Variants in INTS6L observed in about 807,000 individuals in gnomAD.
The protein encoded by INTS6L is integrator complex subunit 6 like, also known as integrator complex subunit 6-like.
A neutral mutation model predicts 64.7 loss-of-function variants in INTS6L; 18 were observed. That is an observed-to-expected ratio of 0.28 (90% CI 0.19 to 0.41). The LOEUF is 0.41. INTS6L is among the 10% of genes least tolerant of loss of function. INTS6L has a pLI of 1.00. For missense variants in INTS6L, 533 were observed against 661.0 expected (o/e 0.81, Z 2.12); for synonymous variants, 227 against 235.9 (o/e 0.96, Z 0.34).
intron 2 of INTS6L, among the ~76,000 whole-genome samples, chrX:135,525,025 G>GT (rs1556500430): frequency 8.9e-6 from 1 of 112,427 alleles, no homozygotes; most frequent in Non-Finnish European, 1.9e-5. Context: ...TACACAGCTA[G>GT]TATGAAACCC....
In INTS6L at chrX:135,572,943, A is replaced by G; in HGVS notation, c.1527A>G (p.Leu509=). The G allele has an allele frequency of 8.3e-7, 1 of 1,211,373 alleles. No individual in the cohort carries two copies. The highest frequency in any genetic ancestry group is 1.1e-6 in the Non-Finnish European group (1 of 895,187). Residue 509 remains leucine, a synonymous_variant, in exon 12 of 18, where the codon CTA becomes CTG. Transcript: ENST00000639893. ...CTCACAATAAAAATTTTAGAAAACT[A>G]TTGAAAGAAATCACAGGGGAAACTG... ...SLTHNKNFRK[L]LKEITGETAL...
intron 2 of INTS6L, among the ~76,000 whole-genome samples, chrX:135,522,703 A>C (rs2085618308): frequency 8.9e-6 from 1 of 112,020 alleles, no homozygotes; most frequent in Non-Finnish European, 1.9e-5. Flanking sequence ...GTGTTCCTTC[A>C]AGCATAAGGA....
intron 2 of INTS6L, among the ~76,000 whole-genome samples, chrX:135,535,407 G>T (rs781826295): frequency 3.6e-5 from 4 of 112,231 alleles, no homozygotes; most frequent in Non-Finnish European, 7.5e-5. Flanking sequence ...ATTGTGAGAA[G>T]AAAATTCCTG....
chrX:135,539,520 T>C (rs1438783046), intron 2 of INTS6L, among the ~76,000 whole-genome samples: 1 of 111,867 alleles, frequency 8.9e-6, no homozygotes, highest in Admixed American at 9.5e-5. Context: ...CTCGGCAATG[T>C]GGCTGTTTTT....
rs782522151 is a variant in INTS6L, at chrX:135,577,069, GA to G, written c.1885-117del. The G allele has an allele frequency of 3.9e-5, 26 of 672,097 alleles. No individual in the cohort carries two copies. The East Asian group carries it at 6.8e-4, about 18-fold the overall frequency. The allele number at this position is 672,097 out of a possible 1,213,427, so 55.4% of individuals were successfully genotyped here. A position where few individuals can be genotyped will look rare whatever the true frequency, so the allele number is the denominator to read the frequency against. Reference sequence around the variant, plus strand: ...TGGCATGGGATTTAAAAAAATGAAAGAAAAAAAGACATATTCGTGATATAAT... The same window carrying G: ...TGGCATGGGATTTAAAAAAATGAAAGAAAAAAGACATATTCGTGATATAAT... On this transcript the variant is annotated intron_variant, in intron 14 of 17. Coordinates refer to ENST00000639893, the MANE Select transcript of INTS6L (RefSeq NM_001351601.3).
intron 2 of INTS6L, among the ~76,000 whole-genome samples, chrX:135,536,698 G>A (rs1040073023): frequency 1.8e-5 from 2 of 111,318 alleles, no homozygotes; most frequent in African/African-American, 6.5e-5. Context: ...TTAATGAATC[G>A]GAGAAATGGC....
In INTS6L at chrX:135,520,720, G is replaced by A; in HGVS notation, c.-273G>A. Reference sequence around the variant, plus strand: ...TGCTTAGGCAGTAGTCCTGGCAGCGGCAGTAGTGGTGGCAGCAGAAGAGAG... The same window carrying A: ...TGCTTAGGCAGTAGTCCTGGCAGCGACAGTAGTGGTGGCAGCAGAAGAGAG... On this transcript the variant is annotated 5_prime_UTR_variant, in exon 1 of 18. Coordinates refer to ENST00000639893, the MANE Select transcript of INTS6L (RefSeq NM_001351601.3). 2.9e-6 allele frequency: 1 copy of A among 349,056 alleles called. No individual in the cohort carries two copies. Among genetic ancestry groups the A allele is most frequent in the East Asian group, 4.6e-5 (1 of 21,564 alleles). 28.8% of individuals were successfully genotyped at this position (349,056 alleles called of 1,213,427 possible). A position where few individuals can be genotyped will look rare whatever the true frequency, so the allele number is the denominator to read the frequency against.
In INTS6L at chrX:135,540,615, A is replaced by G. The variant is rs192730442; in HGVS notation, c.190-4808A>G. Among the ~76,000 whole-genome samples the G allele has an allele frequency of 4.3e-4, 47 of 110,458 alleles. No homozygotes were observed. The East Asian group carries it at 0.012, about 28-fold the overall frequency. On this transcript the variant is annotated intron_variant, in intron 2 of 17. Transcript: ENST00000639893. Reference sequence around the variant, plus strand: ...CATGCTCTATCACCAAGTCTGTCCTATTTGTTTCACATGTTTCTCATTTAA... The same window carrying G: ...CATGCTCTATCACCAAGTCTGTCCTGTTTGTTTCACATGTTTCTCATTTAA...
At position 135,581,905 on chromosome X, in the gene INTS6L, A is replaced by T. The variant is rs189184499; in HGVS notation, c.*269A>T. On this transcript the variant is annotated 3_prime_UTR_variant, in exon 18 of 18. Transcript: ENST00000639893. ...TCACAGGCTAAATTCGGTAAACACCACTGCCCCTACCACGGGTAATGAGAG... is the reference window on the plus strand; with the variant it reads ...TCACAGGCTAAATTCGGTAAACACCTCTGCCCCTACCACGGGTAATGAGAG... 0.028 allele frequency: 7,088 copies of T among 255,037 alleles called. 112 individuals are homozygous for T. Among genetic ancestry groups the T allele is most frequent in the Non-Finnish European group, 0.038 (5,512 of 146,396 alleles). 21.0% of individuals were successfully genotyped at this position (255,037 alleles called of 1,213,427 possible).
intron 8 of INTS6L, 98 bp downstream of exon 8, chrX:135,552,244 T>G: frequency 5.3e-6 from 5 of 938,126 alleles, no homozygotes; most frequent in Non-Finnish European, 7.0e-6. Flanking sequence ...ATAATTGGAC[T>G]GACTGTGCTA....
At chrX:135,554,602 A>C (rs1333672792) in intron 8 of INTS6L, among the ~76,000 whole-genome samples, 1 of 111,604 alleles carries the variant, frequency 9.0e-6, no homozygotes, top group Non-Finnish European at 1.9e-5. Flanking sequence ...GGATTCTGTT[A>C]AATGTCAAGG....
Position 135,520,751 on chromosome X carries a change from G to C in INTS6L, c.-242G>C, listed in dbSNP as rs914431534. 5.8e-5 allele frequency: 22 copies of C among 377,647 alleles called. No homozygotes were observed. The highest frequency in any genetic ancestry group is 9.2e-5 in the Non-Finnish European group (20 of 216,991). 31.1% of individuals were successfully genotyped at this position (377,647 alleles called of 1,213,427 possible). ...GTGGTGGCAGCAGAAGAGAGGAAGG[G>C]GGAGGGCCCCGAGGGCTACACACGC... On this transcript the variant is annotated 5_prime_UTR_variant, in exon 1 of 18. Transcript: ENST00000639893.
chrX:135,568,838 G>A (rs958421179), intron 9 of INTS6L, among the ~76,000 whole-genome samples: 6 of 111,841 alleles, frequency 5.4e-5, no homozygotes, highest in African/African-American at 1.9e-4. Flanking sequence ...GAGCCACTGC[G>A]CCTGGCCCAA....
At chrX:135,573,078 A>G in intron 12 of INTS6L, 45 bp downstream of exon 12, 1 of 1,049,917 alleles carries the variant, frequency 9.5e-7, no homozygotes, top group Non-Finnish European at 1.3e-6. Flanking sequence ...AACTTGTCTG[A>G]TACATTTATG....
chrX:135,521,418 G>GCCCC, intron 2 of INTS6L, 100 bp downstream of exon 2: 1 of 868,770 alleles, frequency 1.2e-6, no homozygotes, highest in Non-Finnish European at 1.6e-6. Flanking sequence ...TGCGTCGCCC[G>GCCCC]GCGGGGCGGG....
intron 14 of INTS6L, among the ~76,000 whole-genome samples, chrX:135,576,423 G>A (rs1316892578): frequency 9.0e-6 from 1 of 111,338 alleles, no homozygotes; most frequent in Non-Finnish European, 1.9e-5. Context: ...GAACAGGCAT[G>A]TAGTAAATTA....
intron 10 of INTS6L, chrX:135,569,893 C>A (rs782737662): frequency 1.3e-4 from 15 of 113,391 alleles, no homozygotes; most frequent in Non-Finnish European, 2.6e-4. Context: ...TGGTGAGAGG[C>A]GGAATCCAAA....
In INTS6L at chrX:135,520,986, G is replaced by C; in HGVS notation, c.-7G>C. 8.3e-7 allele frequency: 1 copy of C among 1,208,203 alleles called. No homozygotes were observed. Among genetic ancestry groups the C allele is most frequent in the South Asian group, 1.8e-5 (1 of 56,766 alleles). Reference sequence around the variant, plus strand: ...AGTGGGGAGCGGAGGCAGGAGTGCGGGGGAAGATGCCCATCCTGCTGTTCC... The same window carrying C: ...AGTGGGGAGCGGAGGCAGGAGTGCGCGGGAAGATGCCCATCCTGCTGTTCC... On this transcript the variant is annotated 5_prime_UTR_variant, in exon 1 of 18. Coordinates refer to ENST00000639893, the MANE Select transcript of INTS6L (RefSeq NM_001351601.3).
chrX:135,565,766 A>G (rs2086932704), intron 9 of INTS6L, among the ~76,000 whole-genome samples: 1 of 111,661 alleles, frequency 9.0e-6, no homozygotes, highest in East Asian at 2.8e-4. Context: ...CACCATGTCT[A>G]TGCAAACATC....
Sources: gnomAD v4.1 joint callset for allele counts (sites outside exome capture counted in the v4.1 genomes callset) on GRCh38, gnomAD v4.1.1 for gene constraint, MANE v1.5 for transcripts, NCBI Gene and HGNC (gene_info 2026-07-23, HGNC 2026-07-21) for gene names.